The following PCSK2 variants were observed in gnomAD, a reference collection of about 807,000 sequenced individuals.
The protein encoded by PCSK2 is proprotein convertase subtilisin/kexin type 2, also known as neuroendocrine convertase 2.
In PCSK2, 14 loss-of-function variants were observed where a neutral mutation model predicts 69.7. The ratio of observed to expected loss-of-function variants is 0.20; its 90% CI spans 0.13 to 0.31. PCSK2 has a LOEUF of 0.31. Ranked by LOEUF, PCSK2 falls within the 10% of genes least tolerant of loss-of-function variation. PCSK2 has a pLI of 1.00. For missense variants in PCSK2, 544 were observed against 842.5 expected (o/e 0.65, Z 4.39); for synonymous variants, 307 against 320.7 (o/e 0.96, Z 0.46).
intron 7 of PCSK2, among the ~76,000 whole-genome samples, chr20:17,432,990 G>A (rs1016255544): frequency 3.9e-5 from 6 of 152,338 alleles, no homozygotes; most frequent in African/African-American, 1.4e-4. Context: ...GCCTGAGGGT[G>A]GGGCTCTACA....
chr20:17,480,063 A>G (rs1212148362), intron 11 of PCSK2, among the ~76,000 whole-genome samples: 1 of 151,960 alleles, frequency 6.6e-6, no homozygotes, highest in East Asian at 1.9e-4. Flanking sequence ...GCCTGTAAGG[A>G]CAGCCTAGAG....
rs2032031571 is a variant in PCSK2, at chr20:17,417,710, AGT to A, written c.620+8374_620+8375del. Among the ~76,000 whole-genome samples the A allele has an allele frequency of 3.9e-5, 6 of 152,228 alleles. No individual in the cohort carries two copies. In the South Asian group the frequency reaches 1.2e-3, roughly 32 times the overall value. ...ATTTGAATAAAGCGTCCCTTCCATG[AGT>A]GTACGATATGTTTATTTCAAAACCC... On this transcript the variant is annotated intron_variant, in intron 6 of 11. Transcript: ENST00000262545.
At chr20:17,348,033 A>AGAAAGAAAGAAAGAAAG (rs568354811) in intron 2 of PCSK2, among the ~76,000 whole-genome samples, 1 of 85,494 alleles carries the variant, frequency 1.2e-5, no homozygotes, top group African/African-American at 4.4e-5. Context: ...GAAAGAAAGA[A>AGAAAGAAAGAAAGAAAG]GAAAGAAAGA....
intron 2 of PCSK2, among the ~76,000 whole-genome samples, chr20:17,328,630 C>T (rs532029120): frequency 4.6e-5 from 7 of 152,002 alleles, no homozygotes; most frequent in South Asian, 4.2e-4. Flanking sequence ...GTATGGTAAA[C>T]GGAAGAGGAG....
At chr20:17,310,352 A>C (rs1989466728) in intron 2 of PCSK2, among the ~76,000 whole-genome samples, 2 of 152,154 alleles carry the variant, frequency 1.3e-5, no homozygotes, top group Admixed American at 6.5e-5. Flanking sequence ...GAGGTTAAAA[A>C]ACATTGATGA....
chr20:17,415,524 A>G lies in PCSK2; in HGVS notation c.620+6185A>G, dbSNP rs1294936517. On this transcript the variant is annotated intron_variant, in intron 6 of 11. Transcript: ENST00000262545. ...AAGGAGAACAATAAACTGCTGCTCA[A>G]CAAAAGAGGACACAAACAAATGGAA... 2.0e-5 allele frequency among the ~76,000 whole-genome samples: 3 copies of G among 152,224 alleles called. No individual in the cohort carries two copies. The South Asian group carries it at 6.2e-4, about 32-fold the overall frequency.
chr20:17,264,902 T>C (rs560961310), intron 2 of PCSK2, among the ~76,000 whole-genome samples: 32 of 152,124 alleles, frequency 2.1e-4, no homozygotes, highest in African/African-American at 7.7e-4. Context: ...CTCACTCTGT[T>C]GCCCAGGCTG....
intron 1 of PCSK2, among the ~76,000 whole-genome samples, chr20:17,241,614 C>G (rs1986575703): frequency 6.6e-6 from 1 of 152,138 alleles, no homozygotes; most frequent in Admixed American, 6.6e-5. Context: ...GTCTTTGATT[C>G]CATTGTCACT....
At chr20:17,279,825 T>G (rs2123042882) in intron 2 of PCSK2, among the ~76,000 whole-genome samples, 1 of 151,916 alleles carries the variant, frequency 6.6e-6, no homozygotes, top group South Asian at 2.1e-4. Flanking sequence ...CCCATCCACA[T>G]GCAAATATCC....
intron 8 of PCSK2, among the ~76,000 whole-genome samples, chr20:17,441,191 C>T (rs59999133): frequency 0.064 from 9,681 of 152,268 alleles, 461 homozygotes; most frequent in Middle Eastern, 0.13. Context: ...CTCCAGCTGC[C>T]ACCTGCCCTT....
At chr20:17,255,095 T>G (rs1428895294) in intron 1 of PCSK2, among the ~76,000 whole-genome samples, 1 of 152,214 alleles carries the variant, frequency 6.6e-6, no homozygotes, top group Non-Finnish European at 1.5e-5. Context: ...ATGTACAAGA[T>G]ATGTCTTCTG....
At chr20:17,343,153 T>C (rs1990556445) in intron 2 of PCSK2, among the ~76,000 whole-genome samples, 3 of 152,218 alleles carry the variant, frequency 2.0e-5, no homozygotes, top group Admixed American at 6.5e-5. Context: ...GCACTCTCTG[T>C]ATTGCATGAG....
At chr20:17,294,742 A>G (rs1457807609) in intron 2 of PCSK2, among the ~76,000 whole-genome samples, 1 of 152,158 alleles carries the variant, frequency 6.6e-6, no homozygotes, top group Non-Finnish European at 1.5e-5. Context: ...ATTTCACTAG[A>G]TGTGATTTAT....
At chr20:17,258,324 C>A (rs946551497) in intron 1 of PCSK2, among the ~76,000 whole-genome samples, 4 of 152,224 alleles carry the variant, frequency 2.6e-5, no homozygotes, top group African/African-American at 7.2e-5. Context: ...CGGGTTGCTG[C>A]AAACCTCTTG....
chr20:17,403,481 G>A (rs141815622), intron 5 of PCSK2, among the ~76,000 whole-genome samples: 1 of 152,338 alleles, frequency 6.6e-6, no homozygotes, highest in Admixed American at 6.5e-5. Context: ...GGCTCTAATG[G>A]ACTGGGCTAT....
chr20:17,343,540 C>A (rs1990567021), intron 2 of PCSK2, among the ~76,000 whole-genome samples: 1 of 152,212 alleles, frequency 6.6e-6, no homozygotes. Context: ...GAATAATGAC[C>A]TTCTCAAAGA....
At chr20:17,251,932 C>T (rs562483816) in intron 1 of PCSK2, among the ~76,000 whole-genome samples, 8 of 152,260 alleles carry the variant, frequency 5.3e-5, no homozygotes, top group Non-Finnish European at 1.0e-4. Context: ...TTGAAAGCTG[C>T]GCTCTTCCAG....
chr20:17,415,614 A>G (rs1022843011), intron 6 of PCSK2, among the ~76,000 whole-genome samples: 1 of 152,202 alleles, frequency 6.6e-6, no homozygotes, highest in Non-Finnish European at 1.5e-5. Flanking sequence ...GCCCAAGGTA[A>G]TTTGTAGATT....
intron 1 of PCSK2, among the ~76,000 whole-genome samples, chr20:17,231,759 T>C (rs1456312282): frequency 1.3e-5 from 2 of 152,188 alleles, no homozygotes; most frequent in Admixed American, 1.3e-4. Context: ...AATCAAGGTA[T>C]AGGCTGCTGG....
Sources: allele counts gnomAD v4.1 joint callset (sites outside exome capture counted in the v4.1 genomes callset), GRCh38; gene constraint gnomAD v4.1.1; transcripts MANE v1.5; gene names NCBI Gene and HGNC (gene_info 2026-07-23, HGNC 2026-07-21).